Variants in ACACB observed in about 807,000 individuals in gnomAD.
The protein encoded by ACACB is acetyl-CoA carboxylase beta.
Under a neutral mutation model 278.8 loss-of-function variants are expected in ACACB, and 209 were observed. The ratio of observed to expected loss-of-function variants is 0.75; its 90% CI spans 0.67 to 0.84. ACACB has a LOEUF of 0.84. Ranked by LOEUF, ACACB falls within the 40% of genes least tolerant of loss-of-function variation. The probability of loss-of-function intolerance (pLI) is 0.00; values close to 1 mark genes in which losing one functional copy is unlikely to be tolerated. For synonymous variants in ACACB, 1,174 were observed against 1,285.6 expected (o/e 0.91, Z 1.86); for missense variants, 2,850 against 3,269.0 (o/e 0.87, Z 3.13).
intron 1 of ACACB, among the ~76,000 whole-genome samples, chr12:109,126,287 T>C (rs574037250): frequency 3.9e-4 from 59 of 152,224 alleles, no homozygotes; most frequent in Non-Finnish European, 6.2e-4. Flanking sequence ...ATGTTTTCCA[T>C]TGGAGGTGGA....
Position 109,176,247 on chromosome 12 carries a change from C to T in ACACB, c.1421C>T (p.Pro474Leu), listed in dbSNP as rs777515316. Residue 474 changes from proline to leucine, a missense_variant, in exon 9 of 53, where the codon CCG (proline) becomes CTG (leucine). Physicochemically the swap from Pro to Leu is moderately conservative, Grantham distance 98. Coordinates refer to ENST00000338432, the MANE Select transcript of ACACB (RefSeq NM_001093.4). ...IRKAESAEDF[P>L]ILFRQVQSEI... ...AAGGCTGAGAGTGCGGAGGACTTCC[C>T]GATCCTTTTCAGACAAGTGAGCAGT... 2.1e-5 allele frequency: 34 copies of T among 1,613,984 alleles called. No homozygotes were observed. Among genetic ancestry groups the T allele is most frequent in the South Asian group, 2.0e-4 (18 of 91,084 alleles).
chr12:109,113,838 T>A (rs1433768352), upstream of ACACB, among the ~76,000 whole-genome samples: 1 of 152,230 alleles, frequency 6.6e-6, no homozygotes, highest in East Asian at 1.9e-4. Context: ...AGACCTCACA[T>A]GCTGACTTGT....
intron 39 of ACACB, among the ~76,000 whole-genome samples, 188 bp downstream of exon 39, chr12:109,246,636 G>A (rs559202301): frequency 6.6e-6 from 1 of 152,198 alleles, no homozygotes; most frequent in Admixed American, 6.5e-5. Context: ...GGGGGGGATG[G>A]TGATGAGAAA....
In ACACB at chr12:109,152,640, C is replaced by CTTTTTT. The variant is rs34863094; in HGVS notation, c.653+12602_653+12607dup. Among the ~76,000 whole-genome samples the CTTTTTT allele has an allele frequency of 3.4e-3, 253 of 74,824 alleles. 4 individuals carry two copies. The highest frequency in any genetic ancestry group is 0.015 in the Middle Eastern group (1 of 68). The allele number at this position is 74,824 out of a possible 152,430, so 49.1% of individuals were successfully genotyped here. On this transcript the variant is annotated intron_variant, in intron 2 of 52. Coordinates refer to ENST00000338432, the MANE Select transcript of ACACB (RefSeq NM_001093.4). ...GCCTGTGCCTTTTCTTTCTTTCTTT[C>CTTTTTT]TTTTTTTTTTTTTTTTTTTTTTTTT...
At chr12:109,254,994 TGAA>T (rs1327085398) in intron 44 of ACACB, among the ~76,000 whole-genome samples, 1 of 152,014 alleles carries the variant, frequency 6.6e-6, no homozygotes, top group Non-Finnish European at 1.5e-5. Context: ...AGGCTGGTCT[TGAA>T]CACATGACCT....
In ACACB at chr12:109,237,262, G is replaced by A. The variant is rs200232907; in HGVS notation, c.4544G>A (p.Cys1515Tyr). Residue 1515 changes from cysteine (C) to tyrosine (Y), a missense_variant, in exon 34 of 53, where the codon TGT becomes TAT. Cys to Tyr is a radical substitution (Grantham distance 194, BLOSUM62 -2). Coordinates refer to ENST00000338432, the MANE Select transcript of ACACB (RefSeq NM_001093.4). ...MRNFDLTAVPCANHKMHLYLG... is the reference protein window; with the variant it reads ...MRNFDLTAVPYANHKMHLYLG... Reference sequence around the variant, plus strand: ...AACTTCGATCTGACCGCCGTGCCCTGTGCCAACCACAAGATGCACCTTTAC... The same window carrying A: ...AACTTCGATCTGACCGCCGTGCCCTATGCCAACCACAAGATGCACCTTTAC... 6.2e-7 allele frequency: 1 copy of A among 1,614,196 alleles called. No homozygotes were observed. Among genetic ancestry groups the A allele is most frequent in the Non-Finnish European group, 8.5e-7 (1 of 1,180,034 alleles).
At chr12:109,216,471 C>G in intron 22 of ACACB, 147 bp from the exon 23 acceptor site, 1 of 696,956 alleles carries the variant, frequency 1.4e-6, no homozygotes, top group Non-Finnish European at 2.3e-6. Context: ...CTGCCTGCCT[C>G]GGCCTCCCAA....
upstream of ACACB, among the ~76,000 whole-genome samples, chr12:109,115,264 A>T (rs1010840708): frequency 1.3e-5 from 2 of 152,160 alleles, no homozygotes; most frequent in African/African-American, 4.8e-5. Flanking sequence ...TGGCTAATGG[A>T]GGGAGGATTC....
At position 109,199,566 on chromosome 12, in the gene ACACB, C is replaced by T. The variant is rs532730803; in HGVS notation, c.2778+14C>T. ...GCTGAGATGGAGGTGACTGCAGAGC[C>T]GGCCGTGGGGAATCCTGAACCCTCA... is the stretch of plus-strand genomic sequence containing the variant. On this transcript the variant is annotated intron_variant, in intron 18 of 52. Coordinates refer to ENST00000338432, the MANE Select transcript of ACACB (RefSeq NM_001093.4). 49 of 1,434,716 alleles carry T rather than the reference C, an allele frequency of 3.4e-5. No homozygotes were observed. The highest frequency in any genetic ancestry group is 1.9e-4 in the East Asian group (7 of 37,270). The allele number at this position is 1,434,716 out of a possible 1,614,324, so 88.9% of individuals were successfully genotyped here. A position where few individuals can be genotyped will look rare whatever the true frequency, so the allele number is the denominator to read the frequency against.
At chr12:109,184,054 C>CT (rs879764260) in intron 11 of ACACB, among the ~76,000 whole-genome samples, 128 of 145,542 alleles carry the variant, frequency 8.8e-4, no homozygotes, top group Middle Eastern at 3.6e-3. Context: ...GGGGCTCAAT[C>CT]TTTTTTTTTT....
At chr12:109,237,457 C>G in intron 34 of ACACB, 77 bp downstream of exon 34, 1 of 1,437,354 alleles carries the variant, frequency 7.0e-7, no homozygotes, top group South Asian at 1.3e-5. Context: ...TGTGCTGGGT[C>G]CTGGGCTGCA....
rs1293357028 is a variant in ACACB, at chr12:109,209,381, C to T, written c.3249+28C>T. On this transcript the variant is annotated intron_variant, in intron 21 of 52. Coordinates refer to ENST00000338432, the MANE Select transcript of ACACB (RefSeq NM_001093.4). ...GCGTGCTCCCCTGCCCAGCCCCACC[C>T]CACCAGGATGGTCACACTGGGCCGG... 1.9e-6 allele frequency: 3 copies of T among 1,588,958 alleles called. No homozygotes were observed. The African/African-American group carries it at 4.0e-5, about 21-fold the overall frequency.
chr12:109,235,167 G>A, intron 31 of ACACB, 146 bp from the exon 32 acceptor site: 1 of 689,776 alleles, frequency 1.4e-6, no homozygotes. Context: ...CATATAAATG[G>A]AATCAGATCA....
At position 109,264,302 on chromosome 12, in the gene ACACB, G is replaced by C; in HGVS notation, c.6858G>C (p.Leu2286=). 1 of 1,614,150 alleles carries C rather than the reference G, an allele frequency of 6.2e-7. No homozygotes were observed. Among genetic ancestry groups the C allele is most frequent in the Non-Finnish European group, 8.5e-7 (1 of 1,180,028 alleles). The part of the protein sequence containing the change: ...EGRLKAREDL[L]LPIYHQVAVQ... ...GGCTAAAGGCTCGCGAGGACCTGCT[G>C]CTCCCCATCTACCACCAGGTGGCGG... Residue 2286 remains leucine, a synonymous_variant, in exon 50 of 53, where the codon CTG becomes CTC. Transcript: ENST00000338432.
rs138228770 is a variant in ACACB, at chr12:109,175,222, G to GT, written c.1217-700dup. 2.3e-3 allele frequency among the ~76,000 whole-genome samples: 347 copies of GT among 150,156 alleles called. 5 individuals are homozygous for GT. Among genetic ancestry groups the GT allele is most frequent in the African/African-American group, 8.0e-3 (328 of 40,932 alleles). On this transcript the variant is annotated intron_variant, in intron 7 of 52. Transcript: ENST00000338432. ...GTCTCAAAAGTTTCCTATTAAATTT[G>GT]TTTTTTTTTCCCCCCCCAAAAGTTG...
intron 28 of ACACB, among the ~76,000 whole-genome samples, chr12:109,230,739 G>T (rs923525685): frequency 6.6e-6 from 1 of 152,232 alleles, no homozygotes; most frequent in African/African-American, 2.4e-5. Context: ...CTTCTCTTTT[G>T]ATCTTATTGT....
intron 19 of ACACB, among the ~76,000 whole-genome samples, chr12:109,203,845 A>G (rs1215572267): frequency 6.6e-6 from 1 of 152,200 alleles, no homozygotes; most frequent in Non-Finnish European, 1.5e-5. Context: ...GGGGCTTAGC[A>G]CAGTGCTCGG....
At chr12:109,226,829 T>C (rs1184579506) in intron 27 of ACACB, among the ~76,000 whole-genome samples, 1 of 151,880 alleles carries the variant, frequency 6.6e-6, no homozygotes, top group Non-Finnish European at 1.5e-5. Flanking sequence ...AAGCCTAAAA[T>C]ATTTACTACC....
Position 109,260,564 on chromosome 12 carries a change from C to T in ACACB, c.6581C>T (p.Pro2194Leu), listed in dbSNP as rs139082246. 3.7e-5 allele frequency: 59 copies of T among 1,613,992 alleles called. No homozygotes were observed. The highest frequency in any genetic ancestry group is 4.3e-5 in the Non-Finnish European group (51 of 1,179,988). ...QYKQPILIYI[P>L]PYAELRGGSW... ...AAACAGCCCATCCTGATCTATATCCCGCCCTATGCGGAGCTCCGGGGAGGC... is the reference window on the plus strand; with the variant it reads ...AAACAGCCCATCCTGATCTATATCCTGCCCTATGCGGAGCTCCGGGGAGGC... Residue 2194 changes from proline (P) to leucine (L), a missense_variant, in exon 48 of 53, where the codon CCG becomes CTG. This residue lies in a region of ACACB where 579 missense variants were observed against 684.6 expected (regional missense o/e 0.85). Coordinates refer to ENST00000338432, the MANE Select transcript of ACACB (RefSeq NM_001093.4).
Sources: gnomAD v4.1 joint callset for allele counts (sites outside exome capture counted in the v4.1 genomes callset) on GRCh38, gnomAD v4.1.1 for gene constraint, gnomAD v4.1.1 regional missense constraint, MANE v1.5 for transcripts, NCBI Gene and HGNC (gene_info 2026-07-23, HGNC 2026-07-21) for gene names.